GRIK5: variants seen among roughly 807,000 people sequenced by gnomAD.
GRIK5 encodes glutamate receptor ionotropic, kainate 5.
A neutral mutation model predicts 97.4 loss-of-function variants in GRIK5; 43 were observed. That is an observed-to-expected ratio of 0.44 (90% CI 0.35 to 0.57). The LOEUF (loss-of-function observed/expected upper bound fraction) is 0.57. Among genes scored for constraint, GRIK5 ranks in the 20% least tolerant of loss-of-function variants. GRIK5 has a pLI of 0.01. For missense variants in GRIK5, 1,015 were observed against 1,382.0 expected, an observed-to-expected ratio of 0.73 and a Z score of 4.21; for synonymous variants, 580 against 583.5, an observed-to-expected ratio of 0.99 and a Z score of 0.09.
chr19:42,008,456 G>A (rs782377092), intron 15 of GRIK5, among the ~76,000 whole-genome samples: 9 of 152,220 alleles, frequency 5.9e-5, no homozygotes, highest in South Asian at 2.1e-4. Flanking sequence ...GCAATACCCC[G>A]TCTCTACTAA....
chr19:42,039,476 C>CAAAACA, intron 12 of GRIK5, among the ~76,000 whole-genome samples: 1 of 152,210 alleles, frequency 6.6e-6, no homozygotes, highest in Middle Eastern at 3.4e-3. Context: ...GAGTCCGTCT[C>CAAAACA]AAAACAAAAA....
chr19:42,001,443 G>A (rs1555870888), intron 19 of GRIK5, among the ~76,000 whole-genome samples: 1 of 152,156 alleles, frequency 6.6e-6, no homozygotes. Context: ...TGGCCATGCT[G>A]GTCTTGAACT....
chr19:42,060,888 T>C (rs1234661464), intron 5 of GRIK5, among the ~76,000 whole-genome samples: 2 of 152,146 alleles, frequency 1.3e-5, no homozygotes, highest in Non-Finnish European at 2.9e-5. Flanking sequence ...TACTTTTCCA[T>C]AGAACTCACT....
chr19:42,031,899 A>C (rs775912088), intron 12 of GRIK5, among the ~76,000 whole-genome samples: 7 of 152,208 alleles, frequency 4.6e-5, no homozygotes, highest in Non-Finnish European at 7.3e-5. Context: ...TTGGGAGGCC[A>C]AAATGGGTGA....
At chr19:42,018,149 T>A (rs1320987220) in intron 15 of GRIK5, among the ~76,000 whole-genome samples, 21 of 62,796 alleles carry the variant, frequency 3.3e-4, no homozygotes, top group Middle Eastern at 0.018. Context: ...CCATCTCTAC[T>A]AAAAAAAAAA....
At chr19:42,044,249 T>C (rs2076015842) in intron 11 of GRIK5, among the ~76,000 whole-genome samples, 1 of 152,234 alleles carries the variant, frequency 6.6e-6, no homozygotes, top group Admixed American at 6.5e-5. Context: ...ATTAAACCTC[T>C]TTCCTTCATA....
At position 42,056,929 on chromosome 19, in the gene GRIK5, G is replaced by C; in HGVS notation, c.737C>G (p.Thr246Ser). ...TGGGCCAGAGGGCATACACACCATG[G>C]TGGTGAGGATGTACTTGTAAAACGC... ...TSAFYKYILT[T>S]MDFPILHLDG... Residue 246 changes from threonine (T) to serine (S), a missense_variant, in exon 7 of 20, where the codon ACC becomes AGC. Physicochemically the swap from Thr to Ser is moderately conservative, Grantham distance 58 (BLOSUM62 1). This residue lies in a region of GRIK5 where 477 missense variants were observed against 701.1 expected (regional missense o/e 0.68). Coordinates refer to ENST00000593562, the MANE Select transcript of GRIK5 (RefSeq NM_002088.5). The C allele has an allele frequency of 6.3e-7, 1 of 1,586,240 alleles. No homozygotes were observed. The highest frequency in any genetic ancestry group is 8.6e-7 in the Non-Finnish European group (1 of 1,165,862).
intron 11 of GRIK5, among the ~76,000 whole-genome samples, chr19:42,046,926 C>T (rs904224532): frequency 6.6e-5 from 10 of 152,096 alleles, no homozygotes; most frequent in African/African-American, 2.4e-4. Flanking sequence ...CTTGCTCTGT[C>T]ACCCAGGCTG....
intron 12 of GRIK5, among the ~76,000 whole-genome samples, chr19:42,033,237 G>A (rs564011843): frequency 2.1e-5 from 3 of 145,748 alleles, no homozygotes; most frequent in African/African-American, 7.6e-5. Context: ...AGAACTGCTT[G>A]AACTCATGAG....
At chr19:42,045,593 G>A (rs2076033581) in intron 11 of GRIK5, among the ~76,000 whole-genome samples, 1 of 152,200 alleles carries the variant, frequency 6.6e-6, no homozygotes, top group South Asian at 2.1e-4. Flanking sequence ...CAGGTCATAG[G>A]CTCTGGACTC....
At chr19:42,011,280 C>T (rs2075558545) in intron 15 of GRIK5, among the ~76,000 whole-genome samples, 2 of 151,396 alleles carry the variant, frequency 1.3e-5, no homozygotes, top group South Asian at 2.1e-4. Context: ...TGGCTGGGTG[C>T]GGTGGTTTAC....
rs2075487798 is a variant in GRIK5, at chr19:42,006,164, T to A, written c.2038-216A>T. Among the ~76,000 whole-genome samples the A allele has an allele frequency of 6.6e-6, 1 of 152,080 alleles. No individual in the cohort carries two copies. The highest frequency in any genetic ancestry group is 1.5e-5 in the Non-Finnish European group (1 of 67,990). On this transcript the variant is annotated intron_variant, in intron 16 of 19. Transcript: ENST00000593562. The surrounding 1 kb of genome is among the most constrained non-coding windows in gnomAD (Gnocchi z 5.3). ...ACAGCCACTGTGCCCACCACCCACCTGGGGGGCCCGGTGAGTGCACCTCCA... is the reference window on the plus strand; with the variant it reads ...ACAGCCACTGTGCCCACCACCCACCAGGGGGGCCCGGTGAGTGCACCTCCA...
intron 19 of GRIK5, chr19:42,001,882 T>G: frequency 5.6e-6 from 3 of 533,380 alleles, no homozygotes; most frequent in South Asian, 5.7e-5. Context: ...ATTTGGCTGG[T>G]GGGATCATTC....
chr19:42,066,660 G>C (rs964073049), intron 1 of GRIK5, among the ~76,000 whole-genome samples: 10 of 151,872 alleles, frequency 6.6e-5, no homozygotes, highest in Non-Finnish European at 1.2e-4. Context: ...AGAGTTACAG[G>C]GAGGCAGGGA....
At chr19:42,000,686 C>T (rs2075416653) in intron 19 of GRIK5, among the ~76,000 whole-genome samples, 1 of 152,146 alleles carries the variant, frequency 6.6e-6, no homozygotes, top group African/African-American at 2.4e-5. Context: ...CCTGTGTAAT[C>T]CCCTCTGACA....
chr19:42,008,776 G>A (rs1455607502), intron 15 of GRIK5, among the ~76,000 whole-genome samples: 1 of 152,080 alleles, frequency 6.6e-6, no homozygotes, highest in East Asian at 1.9e-4. Context: ...AATACATTCA[G>A]AATGCTCAAG....
At position 42,069,834 on chromosome 19, in the gene GRIK5, A is replaced by C. The variant is rs2076399435; in HGVS notation, c.-644T>G. ...CCTCAAGCCCTCAGCCCCCACGGGAAAAGCATGCTGGGGGCGGGGAGAGCC... is the reference window on the plus strand; with the variant it reads ...CCTCAAGCCCTCAGCCCCCACGGGACAAGCATGCTGGGGGCGGGGAGAGCC... On this transcript the variant is annotated 5_prime_UTR_variant, in exon 1 of 20. Transcript: ENST00000593562. 6.6e-6 allele frequency among the ~76,000 whole-genome samples: 1 copy of C among 151,614 alleles called. No individual in the cohort carries two copies. The highest frequency in any genetic ancestry group is 1.5e-5 in the Non-Finnish European group (1 of 67,796).
Position 41,999,201 on chromosome 19 carries a change from G to C in GRIK5, c.2613C>G (p.Ser871Arg), listed in dbSNP as rs1441991365. The part of the protein sequence containing the change: ...SRRRRRPGGP[S>R]RALLSLRAVR... ...CCGCGCGCAGTGACAGCAGGGCCCG[G>C]CTCGGGCCGCCCGGGCGTCGGCGCC... The change falls in exon 20 of 20, where the codon AGC becomes AGG. Residue 871 changes from serine (S) to arginine (R), a missense_variant. Ser to Arg is a moderately radical substitution (Grantham distance 110). Transcript: ENST00000593562. This position sits in a 1 kb window ranked among gnomAD's most constrained non-coding sequence, Gnocchi z 5.0. 3 of 1,517,680 alleles carry C rather than the reference G, an allele frequency of 2.0e-6. No homozygotes were observed. Among genetic ancestry groups the C allele is most frequent in the East Asian group, 2.6e-5 (1 of 38,304 alleles). The allele number at this position is 1,517,680 out of a possible 1,614,324, so 94.0% of individuals were successfully genotyped here.
rs2075991271 is a variant in GRIK5 at position 42,042,592 on chromosome 19, T to C, written c.1433A>G (p.Asn478Ser). The change falls in exon 12 of 20, where the codon AAC becomes AGC. Residue 478 changes from asparagine to serine, a missense_variant. Asn to Ser is a conservative substitution (Grantham distance 46, BLOSUM62 1). This residue lies in a region of GRIK5 where 477 missense variants were observed against 701.1 expected (regional missense o/e 0.68). Transcript: ENST00000593562. This position sits in a 1 kb window ranked among gnomAD's most constrained non-coding sequence, Gnocchi z 6.9. Reference sequence around the variant, plus strand: ...GCCAACCATGCCCGTCCAGGAGCCGTTGGGCTCGGGCGCCCCGTACAGCCC... The same window carrying C: ...GCCAACCATGCCCGTCCAGGAGCCGCTGGGCTCGGGCGCCCCGTACAGCCC... Reference protein sequence around the residue: ...EDGLYGAPEPNGSWTGMVGEL... With the variant: ...EDGLYGAPEPSGSWTGMVGEL... The C allele has an allele frequency of 1.9e-6, 3 of 1,612,242 alleles. No homozygotes were observed. Among genetic ancestry groups the C allele is most frequent in the East Asian group, 2.2e-5 (1 of 44,862 alleles).
Sources: allele counts gnomAD v4.1 joint callset (sites outside exome capture counted in the v4.1 genomes callset), GRCh38; gene constraint gnomAD v4.1.1; regional missense constraint gnomAD v4.1.1; non-coding constraint Gnocchi (gnomAD v3.1); transcripts MANE v1.5; gene names NCBI Gene and HGNC (gene_info 2026-07-23, HGNC 2026-07-21).